The following SMC5 variants were observed in gnomAD, a reference collection of about 807,000 sequenced individuals.
The protein encoded by SMC5 is structural maintenance of chromosomes 5, also known as structural maintenance of chromosomes protein 5.
SMC5 carries 88 observed loss-of-function variants against 148.3 expected under a neutral mutation model. The observed-to-expected ratio is 0.59, with a 90% CI of 0.50 to 0.71. The LOEUF (loss-of-function observed/expected upper bound fraction) is 0.71, where lower values mean the gene tolerates loss of function less well. SMC5 is among the 30% of genes least tolerant of loss of function. The probability of loss-of-function intolerance (pLI) is 0.00; values close to 1 mark genes in which losing one functional copy is unlikely to be tolerated. For missense variants in SMC5, 1,142 were observed against 1,298.9 expected (o/e 0.88, Z 1.86); for synonymous variants, 421 against 432.8 (o/e 0.97, Z 0.34).
In SMC5 at chr9:70,264,289, C is replaced by T. The variant is rs185680282; in HGVS notation, c.186-15C>T. 1.6e-5 allele frequency: 26 copies of T among 1,597,754 alleles called. No homozygotes were observed. The highest frequency in any genetic ancestry group is 2.1e-5 in the Non-Finnish European group (25 of 1,171,368). On this transcript the variant is annotated splice_polypyrimidine_tract_variant and intron_variant, in intron 1 of 24. Coordinates refer to ENST00000361138, the MANE Select transcript of SMC5 (RefSeq NM_015110.4). ...TTGTATCTCTCCTTAATAATTTCAT[C>T]TCTTTATAATTCAGAACATATGATA... is the stretch of plus-strand genomic sequence containing the variant.
chr9:70,308,154 C>G (rs1201682742), intron 11 of SMC5, among the ~76,000 whole-genome samples: 1 of 152,066 alleles, frequency 6.6e-6, no homozygotes, highest in Non-Finnish European at 1.5e-5. Flanking sequence ...ATTCACACTA[C>G]TACTTACAAT....
intron 23 of SMC5, 31 bp downstream of exon 23, chr9:70,350,324 C>A (rs769267379): frequency 6.2e-7 from 1 of 1,609,774 alleles, no homozygotes; most frequent in Non-Finnish European, 8.5e-7. Flanking sequence ...CTTGGATCTT[C>A]TTATATCCTG....
At chr9:70,262,746 A>G (rs923215337) in intron 1 of SMC5, among the ~76,000 whole-genome samples, 1 of 152,374 alleles carries the variant, frequency 6.6e-6, no homozygotes. Context: ...CATTGAGGCC[A>G]TAGAGAATAC....
chr9:70,295,011 G>A (rs1216242138), intron 8 of SMC5, among the ~76,000 whole-genome samples: 3 of 152,106 alleles, frequency 2.0e-5, no homozygotes, highest in Non-Finnish European at 4.4e-5. Context: ...GAACCAAAGT[G>A]GGGCTCAATT....
chr9:70,319,950 G>C (rs2035903295), intron 15 of SMC5, among the ~76,000 whole-genome samples: 1 of 152,126 alleles, frequency 6.6e-6, no homozygotes, highest in Non-Finnish European at 1.5e-5. Flanking sequence ...ATTTTCATTT[G>C]AAAGTTTGAA....
chr9:70,260,187 C>T (rs2034072081), intron 1 of SMC5, among the ~76,000 whole-genome samples: 1 of 151,818 alleles, frequency 6.6e-6, no homozygotes, highest in African/African-American at 2.4e-5. Flanking sequence ...TCACTGCAAC[C>T]TCCGCCTCCC....
At chr9:70,326,920 A>G (rs1449426860) in intron 17 of SMC5, among the ~76,000 whole-genome samples, 3 of 152,138 alleles carry the variant, frequency 2.0e-5, no homozygotes. Flanking sequence ...AATATTTGTA[A>G]TGTTATTCTG....
chr9:70,306,502 A>C (rs1208660881), intron 11 of SMC5, among the ~76,000 whole-genome samples: 1 of 152,260 alleles, frequency 6.6e-6, no homozygotes, highest in Admixed American at 6.5e-5. Context: ...AGAGCTGTTT[A>C]AGCCTAATCA....
chr9:70,332,829 T>TG (rs2036255035), intron 17 of SMC5, among the ~76,000 whole-genome samples: 1 of 144,588 alleles, frequency 6.9e-6, no homozygotes, highest in African/African-American at 2.7e-5. Flanking sequence ...AGACCGAAAC[T>TG]GAAAAACTAG....
At chr9:70,267,345 A>G (rs2034317065) in intron 2 of SMC5, among the ~76,000 whole-genome samples, 1 of 152,220 alleles carries the variant, frequency 6.6e-6, no homozygotes, top group Non-Finnish European at 1.5e-5. Flanking sequence ...ACTCATAAGC[A>G]TATAGAAACT....
intron 15 of SMC5, among the ~76,000 whole-genome samples, chr9:70,320,369 G>A (rs2035912113): frequency 6.6e-6 from 1 of 152,084 alleles, no homozygotes; most frequent in African/African-American, 2.4e-5. Flanking sequence ...GACCAGCCTG[G>A]GCAACATGGC....
rs778612425 is a variant in SMC5, at chr9:70,277,341, C to T, written c.412C>T (p.Arg138Cys). The T allele has an allele frequency of 2.5e-6, 4 of 1,596,680 alleles. No individual in the cohort carries two copies. Among genetic ancestry groups the T allele is most frequent in the African/African-American group, 1.4e-5 (1 of 73,860 alleles). The change falls in exon 4 of 25, where the codon CGT (arginine) becomes TGT (cysteine). Residue 138 changes from arginine to cysteine, a missense_variant. Coordinates refer to ENST00000361138, the MANE Select transcript of SMC5 (RefSeq NM_015110.4). ...FRASGNLVIT[R>C]EIDVAKNQSF... is the part of the protein sequence containing the mutation. ...GGCTTCTGGAAATCTTGTAATCACC[C>T]GTGAGATTGATGTGGCAAAAAATCA...
At chr9:70,312,120 C>CAAAAAA (rs3072341) in intron 11 of SMC5, 1 of 63,294 alleles carries the variant, frequency 1.6e-5, no homozygotes, top group Non-Finnish European at 2.6e-5. Flanking sequence ...GACACTGTCT[C>CAAAAAA]AAAAAAAAAA....
Position 70,305,257 on chromosome 9 carries a change from A to G in SMC5, c.1475A>G (p.Lys492Arg). 6.6e-7 allele frequency: 1 copy of G among 1,509,704 alleles called. No homozygotes were observed. Among genetic ancestry groups the G allele is most frequent in the South Asian group, 1.1e-5 (1 of 87,364 alleles). The allele number at this position is 1,509,704 out of a possible 1,614,324, so 93.5% of individuals were successfully genotyped here. The change falls in exon 11 of 25, where the codon AAA (lysine) becomes AGA (arginine). Residue 492 changes from lysine (K) to arginine (R), a missense_variant. By Grantham distance (26) the Lys-to-Arg change is conservative (BLOSUM62 2). Around this residue, in one of 5 missense-constraint regions of SMC5, gnomAD observed 743 missense variants for 835.7 expected, o/e 0.89. Coordinates refer to ENST00000361138, the MANE Select transcript of SMC5 (RefSeq NM_015110.4). Reference protein sequence around the residue: ...CEPIMLTINMKDNKNAKYIEN... With the variant: ...CEPIMLTINMRDNKNAKYIEN... Reference sequence around the variant, plus strand: ...TGCTTGTTTGTTTAGATCAATATGAAAGATAATAAAAATGCCAAATATATT... The same window carrying G: ...TGCTTGTTTGTTTAGATCAATATGAGAGATAATAAAAATGCCAAATATATT...
chr9:70,318,780 T>A lies in SMC5; in HGVS notation c.1981-14T>A. ...GTTTTTTAAATATGTTAACAATTTTTAAATATTTTATAGGAAATTCATAGA... is the reference window on the plus strand; with the variant it reads ...GTTTTTTAAATATGTTAACAATTTTAAAATATTTTATAGGAAATTCATAGA... On this transcript the variant is annotated splice_polypyrimidine_tract_variant and intron_variant, in intron 14 of 24. Transcript: ENST00000361138. 1.3e-6 allele frequency: 2 copies of A among 1,550,592 alleles called. No homozygotes were observed. The highest frequency in any genetic ancestry group is 2.3e-5 in the East Asian group (1 of 43,180).
chr9:70,259,348 G>T, intron 1 of SMC5, 85 bp downstream of exon 1: 4 of 1,384,330 alleles, frequency 2.9e-6, no homozygotes, highest in Non-Finnish European at 3.9e-6. Flanking sequence ...GGGCGTGGGC[G>T]TGTGGGTGTG....
intron 9 of SMC5, among the ~76,000 whole-genome samples, chr9:70,298,692 A>G (rs1182286993): frequency 6.6e-6 from 1 of 151,852 alleles, no homozygotes; most frequent in Non-Finnish European, 1.5e-5. Context: ...CAGTTTAAAA[A>G]AATTTTATAT....
At chr9:70,270,569 GAC>G (rs1413967636) in intron 3 of SMC5, among the ~76,000 whole-genome samples, 7 of 151,096 alleles carry the variant, frequency 4.6e-5, no homozygotes, top group Admixed American at 4.0e-4. Context: ...ATTAGAAAAA[GAC>G]ACACTTGTCA....
At chr9:70,277,623 TA>T in intron 4 of SMC5, 151 bp downstream of exon 4, 1 of 553,408 alleles carries the variant, frequency 1.8e-6, no homozygotes, top group Admixed American at 4.2e-5. Context: ...ACTTAGAGTA[TA>T]ATGTTATTAA....
Sources: allele counts gnomAD v4.1 joint callset (sites outside exome capture counted in the v4.1 genomes callset), GRCh38; gene constraint gnomAD v4.1.1; regional missense constraint gnomAD v4.1.1; transcripts MANE v1.5; gene names NCBI Gene and HGNC (gene_info 2026-07-23, HGNC 2026-07-21).